Variants in FMN2 observed in about 807,000 individuals in gnomAD.
FMN2 encodes formin 2, also known as formin-2.
A neutral mutation model predicts 142.3 loss-of-function variants in FMN2; 51 were observed. The observed-to-expected ratio is 0.36, with a 90% CI of 0.29 to 0.45. The LOEUF (loss-of-function observed/expected upper bound fraction) is 0.45, where lower values mean the gene tolerates loss of function less well. FMN2 is among the 20% of genes least tolerant of loss of function. The pLI is 1.00. For missense variants in FMN2, 1,936 were observed against 2,122.8 expected (o/e 0.91, Z 1.73); for synonymous variants, 882 against 869.8 (o/e 1.01, Z -0.25).
chr1:240,447,087 C>A (rs925758068), intron 16 of FMN2, among the ~76,000 whole-genome samples: 1 of 152,194 alleles, frequency 6.6e-6, no homozygotes, highest in Non-Finnish European at 1.5e-5. Context: ...TTGAAGCTAA[C>A]AACAGATGTT....
At chr1:240,170,823 G>A in intron 2 of FMN2, 1 of 848,298 alleles carries the variant, frequency 1.2e-6, no homozygotes, top group Non-Finnish European at 2.1e-6. Context: ...GTGCATCCCG[G>A]ATCATTGGTG....
chr1:240,105,625 T>TAAAAG (rs1558297599), intron 1 of FMN2, among the ~76,000 whole-genome samples: 6 of 152,192 alleles, frequency 3.9e-5, no homozygotes, highest in Non-Finnish European at 7.3e-5. Flanking sequence ...CATAAAGAGT[T>TAAAAG]TGTGTTTCCT....
chr1:240,375,274 GAT>G (rs1256916414), intron 14 of FMN2, among the ~76,000 whole-genome samples: 1 of 152,122 alleles, frequency 6.6e-6, no homozygotes, highest in Non-Finnish European at 1.5e-5. Flanking sequence ...TTACCAAAGT[GAT>G]ATGACACAAA....
At chr1:240,373,953 G>C (rs1285498981) in intron 14 of FMN2, among the ~76,000 whole-genome samples, 1 of 152,162 alleles carries the variant, frequency 6.6e-6, no homozygotes, top group East Asian at 1.9e-4. Flanking sequence ...TTCTTAAATA[G>C]TAAGACTTCA....
At chr1:240,250,400 G>T (rs963612808) in intron 6 of FMN2, among the ~76,000 whole-genome samples, 1 of 151,990 alleles carries the variant, frequency 6.6e-6, no homozygotes, top group Admixed American at 6.6e-5. Flanking sequence ...TTATTGATTT[G>T]CATATGTACA....
intron 2 of FMN2, among the ~76,000 whole-genome samples, chr1:240,156,639 G>A (rs1215238940): frequency 1.3e-5 from 2 of 152,138 alleles, no homozygotes; most frequent in African/African-American, 2.4e-5. Flanking sequence ...AAGGTGGTGG[G>A]CTGAAATCCT....
At chr1:240,119,711 A>T (rs1192596771) in intron 1 of FMN2, among the ~76,000 whole-genome samples, 2 of 152,182 alleles carry the variant, frequency 1.3e-5, no homozygotes. Flanking sequence ...ATGGAAGTAG[A>T]GTTCCAGCAG....
At chr1:240,468,355 C>T (rs145284237) in intron 16 of FMN2, among the ~76,000 whole-genome samples, 45 of 119,568 alleles carry the variant, frequency 3.8e-4, no homozygotes, top group African/African-American at 1.5e-3. Context: ...TATATCTCTT[C>T]ATGAATCATG....
At chr1:240,094,074 C>T (rs113450174) in intron 1 of FMN2, among the ~76,000 whole-genome samples, 3 of 152,292 alleles carry the variant, frequency 2.0e-5, no homozygotes, top group African/African-American at 7.2e-5. Context: ...TCATTCTTCT[C>T]TTTCATTTTT....
intron 16 of FMN2, among the ~76,000 whole-genome samples, chr1:240,444,985 G>A (rs1414314824): frequency 6.6e-6 from 1 of 152,134 alleles, no homozygotes; most frequent in Admixed American, 6.5e-5. Context: ...AAATGAATTT[G>A]GCCAACCATT....
chr1:240,239,819 C>CATAT (rs778597110), intron 6 of FMN2, among the ~76,000 whole-genome samples: 1 of 152,212 alleles, frequency 6.6e-6, no homozygotes, highest in Non-Finnish European at 1.5e-5. Context: ...AGTCAATAAA[C>CATAT]ATATGCTCAG....
At chr1:240,285,106 T>C in intron 7 of FMN2, 1 of 370,902 alleles carries the variant, frequency 2.7e-6, no homozygotes, top group Non-Finnish European at 5.6e-6. Context: ...GTTTTTTGTT[T>C]GAAGAAACAT....
At chr1:240,232,365 C>T (rs1452170059) in intron 6 of FMN2, among the ~76,000 whole-genome samples, 2 of 151,446 alleles carry the variant, frequency 1.3e-5, no homozygotes, top group Non-Finnish European at 2.9e-5. Context: ...GCTGGCATTA[C>T]AGGCGTGAGC....
intron 2 of FMN2, among the ~76,000 whole-genome samples, chr1:240,166,849 C>A (rs1298573427): frequency 6.6e-6 from 1 of 152,180 alleles, no homozygotes; most frequent in African/African-American, 2.4e-5. Flanking sequence ...TGACTGGGCG[C>A]AGCGGCTCAC....
At chr1:240,470,328 G>A (rs1280922334) in intron 16 of FMN2, among the ~76,000 whole-genome samples, 1 of 151,982 alleles carries the variant, frequency 6.6e-6, no homozygotes. Flanking sequence ...TAAAGAAAAT[G>A]TTTTTATCTT....
chr1:240,349,963 T>TTTTA (rs1553367009), intron 13 of FMN2, among the ~76,000 whole-genome samples: 1 of 148,046 alleles, frequency 6.8e-6, no homozygotes, highest in Non-Finnish European at 1.5e-5. Context: ...TATTTTTTTT[T>TTTTA]TTTATTTACA....
At chr1:240,278,205 G>A (rs773886699) in intron 7 of FMN2, among the ~76,000 whole-genome samples, 1 of 152,138 alleles carries the variant, frequency 6.6e-6, no homozygotes, top group Non-Finnish European at 1.5e-5. Flanking sequence ...CTGCTGCAGA[G>A]TGTCTGGAAT....
chr1:240,173,231 C>T (rs940063052), intron 2 of FMN2, among the ~76,000 whole-genome samples: 5 of 152,136 alleles, frequency 3.3e-5, no homozygotes, highest in Admixed American at 6.5e-5. Flanking sequence ...CCACCACGCC[C>T]GGCCTCAAGT....
At chr1:240,396,305 TGTGTG>T (rs1558470073) in intron 15 of FMN2, among the ~76,000 whole-genome samples, 1,636 of 94,474 alleles carry the variant, frequency 0.017, 20 homozygotes, top group African/African-American at 0.088. Context: ...GAGGTTTTCG[TGTGTG>T]TGTGTGTGTG....
Sources: allele counts gnomAD v4.1 joint callset (sites outside exome capture counted in the v4.1 genomes callset), GRCh38; gene constraint gnomAD v4.1.1; transcripts MANE v1.5; gene names NCBI Gene and HGNC (gene_info 2026-07-23, HGNC 2026-07-21).